TEK: variants seen among roughly 807,000 people sequenced by gnomAD.
TEK encodes TEK receptor tyrosine kinase, also known as angiopoietin-1 receptor.
A neutral mutation model predicts 131.8 loss-of-function variants in TEK; 43 were observed. That is an observed-to-expected ratio of 0.33 (90% CI 0.26 to 0.42). TEK has a LOEUF of 0.42. Among genes scored for constraint, TEK ranks in the 10% least tolerant of loss-of-function variants. The pLI is 1.00. For missense variants in TEK, 1,162 were observed against 1,384.4 expected (o/e 0.84, Z 2.55); for synonymous variants, 580 against 491.6 (o/e 1.18, Z -2.38).
At chr9:27,178,992 A>C (rs535693750) in intron 6 of TEK, among the ~76,000 whole-genome samples, 1 of 152,154 alleles carries the variant, frequency 6.6e-6, no homozygotes, top group African/African-American at 2.4e-5. Flanking sequence ...TGAATGTGTA[A>C]ATTTCAACAA....
At chr9:27,224,525 G>A (rs1345959263) in intron 21 of TEK, among the ~76,000 whole-genome samples, 1 of 152,062 alleles carries the variant, frequency 6.6e-6, no homozygotes, top group South Asian at 2.1e-4. Flanking sequence ...TATCTCAATA[G>A]ATGGAGAAAA....
intron 21 of TEK, among the ~76,000 whole-genome samples, chr9:27,224,840 T>C (rs1396098137): frequency 6.6e-6 from 1 of 152,238 alleles, no homozygotes; most frequent in Admixed American, 6.5e-5. Context: ...GATGACATGA[T>C]TGTATTTCTA....
At chr9:27,227,984 T>C (rs1409369814) in intron 21 of TEK, among the ~76,000 whole-genome samples, 1 of 152,038 alleles carries the variant, frequency 6.6e-6, no homozygotes, top group East Asian at 1.9e-4. Context: ...GAGACCAAGG[T>C]CCTGCAGAAA....
At position 27,185,608 on chromosome 9, in the gene TEK, C is replaced by G. The variant is rs148891712; in HGVS notation, c.1306C>G (p.Pro436Ala). The G allele has an allele frequency of 6.2e-7, 1 of 1,613,702 alleles. No individual in the cohort carries two copies. The highest frequency in any genetic ancestry group is 8.5e-7 in the Non-Finnish European group (1 of 1,179,734). The change falls in exon 9 of 23, where the codon CCC becomes GCC. Residue 436 changes from proline to alanine, a missense_variant. Physicochemically the swap from Pro to Ala is conservative, Grantham distance 27. This residue lies in a region of TEK where 477 missense variants were observed against 471.0 expected (regional missense o/e 1.01). Transcript: ENST00000380036. ...CACAGTGGCTGGGATGGTGGAAAAG[C>G]CCTTCAACATTTCTGTTAAAGGTAA... ...VNTVAGMVEKPFNISVKVLPK... is the reference protein window; with the variant it reads ...VNTVAGMVEKAFNISVKVLPK...
At chr9:27,218,679 T>C in intron 19 of TEK, 98 bp from the exon 20 acceptor site, 1 of 1,276,618 alleles carries the variant, frequency 7.8e-7, no homozygotes, top group Non-Finnish European at 1.1e-6. Flanking sequence ...TAACATCTCC[T>C]TTTCTCAGAA....
At chr9:27,200,320 C>A (rs1038846736) in intron 12 of TEK, among the ~76,000 whole-genome samples, 6 of 152,170 alleles carry the variant, frequency 3.9e-5, no homozygotes, top group African/African-American at 1.2e-4. Flanking sequence ...GCTCACTCAC[C>A]TAAACTACAT....
chr9:27,131,981 A>G (rs929145213), intron 1 of TEK, among the ~76,000 whole-genome samples: 2 of 152,138 alleles, frequency 1.3e-5, no homozygotes, highest in Non-Finnish European at 2.9e-5. Flanking sequence ...TGTTTAAAGA[A>G]GGATTTCACA....
intron 17 of TEK, among the ~76,000 whole-genome samples, chr9:27,213,218 A>G (rs1041561551): frequency 2.0e-5 from 3 of 152,170 alleles, no homozygotes; most frequent in African/African-American, 7.2e-5. Flanking sequence ...ATAATGTGTA[A>G]TAACAGAGAC....
At chr9:27,200,977 C>A (rs1825193781) in intron 12 of TEK, among the ~76,000 whole-genome samples, 1 of 152,136 alleles carries the variant, frequency 6.6e-6, no homozygotes, top group African/African-American at 2.4e-5. Flanking sequence ...TTCCCCCCAC[C>A]ATGCTACAAA....
At chr9:27,133,118 G>T (rs568800203) in intron 1 of TEK, among the ~76,000 whole-genome samples, 1 of 152,292 alleles carries the variant, frequency 6.6e-6, no homozygotes, top group South Asian at 2.1e-4. Context: ...ACTGAGTAAT[G>T]CCTGAAATAA....
In TEK at chr9:27,183,544, T is replaced by A; in HGVS notation, c.1116T>A (p.Ala372=). 6.2e-7 allele frequency: 1 copy of A among 1,613,950 alleles called. No homozygotes were observed. Among genetic ancestry groups the A allele is most frequent in the Non-Finnish European group, 8.5e-7 (1 of 1,179,862 alleles). Residue 372 remains alanine, a synonymous_variant, in exon 8 of 23, where the codon GCT becomes GCA. Transcript: ENST00000380036. ...GTAAATTTAATCCCATTTGCAAAGC[T>A]TCTGGCTGGCCGCTACCTACTAATG... The part of the protein sequence containing the change: ...NSGKFNPICK[A]SGWPLPTNEE...
chr9:27,148,150 C>A (rs998517720), intron 1 of TEK, among the ~76,000 whole-genome samples: 2 of 152,156 alleles, frequency 1.3e-5, no homozygotes, highest in Non-Finnish European at 2.9e-5. Flanking sequence ...GTAGATATTG[C>A]GAGCACGTCC....
At chr9:27,208,249 C>G (rs1482292483) in intron 15 of TEK, among the ~76,000 whole-genome samples, 1 of 152,142 alleles carries the variant, frequency 6.6e-6, no homozygotes, top group African/African-American at 2.4e-5. Flanking sequence ...TTATGAGTAC[C>G]ATTATTCCCT....
chr9:27,200,719 G>C (rs2131203144), intron 12 of TEK, among the ~76,000 whole-genome samples: 1 of 152,302 alleles, frequency 6.6e-6, no homozygotes, highest in South Asian at 2.1e-4. Flanking sequence ...GAGTGAATTA[G>C]ATTTGGCGTA....
intron 6 of TEK, 131 bp downstream of exon 6, chr9:27,173,493 G>A: frequency 8.9e-7 from 1 of 1,121,458 alleles, no homozygotes; most frequent in Non-Finnish European, 1.3e-6. Context: ...ACAGGATTTT[G>A]AATCATGGAT....
chr9:27,141,068 C>G (rs774288711), intron 1 of TEK, among the ~76,000 whole-genome samples: 2 of 152,060 alleles, frequency 1.3e-5, no homozygotes, highest in Non-Finnish European at 2.9e-5. Context: ...CAAGCATCAT[C>G]TTGGAAGATT....
chr9:27,150,836 CAT>C (rs138296221), intron 1 of TEK, among the ~76,000 whole-genome samples: 5,270 of 152,196 alleles, frequency 0.035, 301 homozygotes, highest in African/African-American at 0.12. Flanking sequence ...CTAACTAACA[CAT>C]GTGTTATTTG....
intron 16 of TEK, among the ~76,000 whole-genome samples, 185 bp from the exon 17 acceptor site, chr9:27,212,522 C>T (rs960819701): frequency 5.9e-5 from 9 of 152,040 alleles, no homozygotes; most frequent in East Asian, 3.9e-4. Flanking sequence ...GCAGCCTGGC[C>T]CCTTTTGAGT....
At chr9:27,185,265 A>G (rs1171579568) in intron 8 of TEK, among the ~76,000 whole-genome samples, 1 of 152,170 alleles carries the variant, frequency 6.6e-6, no homozygotes, top group Non-Finnish European at 1.5e-5. Flanking sequence ...TAAACACACA[A>G]ATACAACAGC....
Sources: allele counts gnomAD v4.1 joint callset (sites outside exome capture counted in the v4.1 genomes callset), GRCh38; gene constraint gnomAD v4.1.1; regional missense constraint gnomAD v4.1.1; transcripts MANE v1.5; gene names NCBI Gene and HGNC (gene_info 2026-07-23, HGNC 2026-07-21).